The following SPIRE2 variants were observed in gnomAD, a reference collection of about 807,000 sequenced individuals.
SPIRE2 encodes protein spire homolog 2.
Under a neutral mutation model 80.7 loss-of-function variants are expected in SPIRE2, and 76 were observed. The observed-to-expected ratio is 0.94, with a 90% CI of 0.78 to 1.14. The LOEUF (loss-of-function observed/expected upper bound fraction) is 1.14. Ranked by LOEUF, SPIRE2 falls within the 50% of genes most tolerant of loss-of-function variation. The pLI is 0.00. For synonymous variants in SPIRE2, 535 were observed against 432.6 expected, an observed-to-expected ratio of 1.24 and a Z score of -2.94; for missense variants, 1,196 against 1,015.3, an observed-to-expected ratio of 1.18 and a Z score of -2.42.
Position 89,858,470 on chromosome 16 carries a change from C to T in SPIRE2, c.1235C>T (p.Pro412Leu). The T allele has an allele frequency of 6.2e-7, 1 of 1,606,154 alleles. No homozygotes were observed. Among genetic ancestry groups the T allele is most frequent in the Non-Finnish European group, 8.5e-7 (1 of 1,177,338 alleles). The change falls in exon 8 of 15, where the codon CCT (proline) becomes CTT (leucine). Residue 412 changes from proline (P) to leucine (L), a missense_variant. Coordinates refer to ENST00000378247, the MANE Select transcript of SPIRE2 (RefSeq NM_032451.2). Reference protein sequence around the residue: ...RPRPRVLLKAPTLAEMEEMNT... With the variant: ...RPRPRVLLKALTLAEMEEMNT... ...CGGCCCCGCGTGCTGCTCAAGGCGC[C>T]TACCTTGGCTGAAATGGAAGAGATG...
At chr16:89,849,994 C>G (rs777391856) in intron 2 of SPIRE2, 2 of 442,178 alleles carry the variant, frequency 4.5e-6, no homozygotes, top group Admixed American at 6.3e-5. Flanking sequence ...TGCACCACCA[C>G]GCCCAGCTAA....
intron 1 of SPIRE2, among the ~76,000 whole-genome samples, chr16:89,838,549 G>T (rs1003827914): frequency 4.6e-5 from 7 of 152,126 alleles, no homozygotes; most frequent in African/African-American, 1.7e-4. Context: ...GCTCAGGGAA[G>T]CACGGTGAGC....
At chr16:89,849,556 G>A (rs1380823885) in intron 2 of SPIRE2, among the ~76,000 whole-genome samples, 1 of 152,236 alleles carries the variant, frequency 6.6e-6, no homozygotes, top group Non-Finnish European at 1.5e-5. Context: ...GAGTGTCCGT[G>A]TAATTGTCCA....
intron 1 of SPIRE2, among the ~76,000 whole-genome samples, chr16:89,837,300 G>A (rs1483801124): frequency 6.6e-6 from 1 of 152,202 alleles, no homozygotes; most frequent in Admixed American, 6.5e-5. Context: ...ATGGTGGTGA[G>A]GGGGAAGAGT....
At chr16:89,861,713 C>T (rs531018722) in intron 10 of SPIRE2, among the ~76,000 whole-genome samples, 16 of 152,182 alleles carry the variant, frequency 1.1e-4, no homozygotes, top group East Asian at 1.9e-4. Flanking sequence ...GGCCTGATCT[C>T]GACTGAAGGG....
chr16:89,841,875 T>A (rs2041509129), intron 1 of SPIRE2, among the ~76,000 whole-genome samples: 1 of 151,998 alleles, frequency 6.6e-6, no homozygotes. Context: ...ATTACAGGCA[T>A]GCGCCACCAT....
chr16:89,863,889 A>G lies in SPIRE2; in HGVS notation c.1778+28A>G. On this transcript the variant is annotated intron_variant, in intron 12 of 14. Coordinates refer to ENST00000378247, the MANE Select transcript of SPIRE2 (RefSeq NM_032451.2). The surrounding 1 kb of genome is among the most constrained non-coding windows in gnomAD (Gnocchi z 4.3). The stretch of plus-strand genomic sequence containing the variant: ...GAGCCTTCCCTTTAGCTGTCAGTTC[A>G]CAAGGGAAGGAGGAGGCGAGAAACC... 6.3e-7 allele frequency: 1 copy of G among 1,592,250 alleles called. No individual in the cohort carries two copies. Among genetic ancestry groups the G allele is most frequent in the Non-Finnish European group, 8.6e-7 (1 of 1,163,682 alleles).
chr16:89,867,507 C>T (rs945593688), intron 12 of SPIRE2, among the ~76,000 whole-genome samples: 1 of 151,790 alleles, frequency 6.6e-6, no homozygotes, highest in African/African-American at 2.4e-5. Context: ...AAGTATGTGA[C>T]CCATCATGGC....
At chr16:89,845,419 A>C (rs1598222605) in intron 2 of SPIRE2, 54 bp downstream of exon 2, 1 of 1,434,886 alleles carries the variant, frequency 7.0e-7, no homozygotes, top group Non-Finnish European at 9.8e-7. Flanking sequence ...ACGTACCTGC[A>C]TCTTAAAATG....
At chr16:89,845,179 G>A in intron 1 of SPIRE2, 143 bp from the exon 2 acceptor site, 1 of 751,408 alleles carries the variant, frequency 1.3e-6, no homozygotes, top group East Asian at 2.6e-5. Flanking sequence ...TGACCAAGTG[G>A]CTGGGCCTGC....
chr16:89,860,463 G>A lies in SPIRE2; in HGVS notation c.1463-220G>A, dbSNP rs1159121841. On this transcript the variant is annotated intron_variant, in intron 9 of 14. Coordinates refer to ENST00000378247, the MANE Select transcript of SPIRE2 (RefSeq NM_032451.2). Reference sequence around the variant, plus strand: ...TCTATAGAGCTGAGGGTCTCGCTACGTTGCCCAGGGTGGTCTCAAGCTCCT... The same window carrying A: ...TCTATAGAGCTGAGGGTCTCGCTACATTGCCCAGGGTGGTCTCAAGCTCCT... Among the ~76,000 whole-genome samples the A allele has an allele frequency of 9.9e-5, 15 of 152,040 alleles. No homozygotes were observed. In the East Asian group the frequency reaches 2.5e-3, roughly 26 times the overall value.
At chr16:89,845,145 G>A (rs758846542) in intron 1 of SPIRE2, among the ~76,000 whole-genome samples, 177 bp from the exon 2 acceptor site, 9 of 152,152 alleles carry the variant, frequency 5.9e-5, no homozygotes, top group Non-Finnish European at 7.3e-5. Context: ...AGCTCGAGCC[G>A]GGCCTCATGG....
At chr16:89,853,398 G>C (rs900314090) in intron 3 of SPIRE2, among the ~76,000 whole-genome samples, 3 of 152,190 alleles carry the variant, frequency 2.0e-5, no homozygotes, top group African/African-American at 7.2e-5. Context: ...TGAGAGAAGG[G>C]TCTCTCCATG....
At chr16:89,840,474 C>T (rs927856687) in intron 1 of SPIRE2, among the ~76,000 whole-genome samples, 3 of 150,876 alleles carry the variant, frequency 2.0e-5, no homozygotes, top group Non-Finnish European at 1.5e-5. Context: ...TGGTTTCGAT[C>T]TCCTGACCTT....
At chr16:89,847,592 A>G (rs927258604) in intron 2 of SPIRE2, among the ~76,000 whole-genome samples, 7 of 152,184 alleles carry the variant, frequency 4.6e-5, no homozygotes, top group Non-Finnish European at 1.0e-4. Flanking sequence ...GTCCCCAGGA[A>G]AGACGGCAAA....
At chr16:89,861,094 CTG>C (rs2041740480) in intron 10 of SPIRE2, among the ~76,000 whole-genome samples, 1 of 152,134 alleles carries the variant, frequency 6.6e-6, no homozygotes, top group Non-Finnish European at 1.5e-5. Flanking sequence ...CCTGCGTGCC[CTG>C]TGCCTGGAGG....
At chr16:89,868,308 C>T in intron 13 of SPIRE2, 92 bp downstream of exon 13, 3 of 1,260,726 alleles carry the variant, frequency 2.4e-6, no homozygotes, top group Middle Eastern at 3.7e-4. Context: ...GCTGCCTCAC[C>T]AGGCACCTCA....
intron 2 of SPIRE2, 39 bp from the exon 3 acceptor site, chr16:89,850,265 C>G (rs770100709): frequency 1.3e-6 from 2 of 1,575,032 alleles, no homozygotes; most frequent in Admixed American, 3.4e-5. Context: ...GCCCCACCCC[C>G]CTGCAGTACC....
At position 89,869,625 on chromosome 16, in the gene SPIRE2, G is replaced by A; in HGVS notation, c.1865G>A (p.Ser622Asn). 6.2e-7 allele frequency: 1 copy of A among 1,614,216 alleles called. No homozygotes were observed. Among genetic ancestry groups the A allele is most frequent in the Non-Finnish European group, 8.5e-7 (1 of 1,180,038 alleles). ...HIPVYTLGFESPQRVSAAKTA... is the reference protein window; with the variant it reads ...HIPVYTLGFENPQRVSAAKTA... ...CCTGTCTACACACTGGGCTTTGAGA[G>A]TCCTCAGAGGGTATCAGCTGCCAAA... is the stretch of plus-strand genomic sequence containing the variant. The change falls in exon 14 of 15, where the codon AGT (serine) becomes AAT (asparagine). Residue 622 changes from serine (S) to asparagine (N), a missense_variant. Coordinates refer to ENST00000378247, the MANE Select transcript of SPIRE2 (RefSeq NM_032451.2).
Sources: allele counts gnomAD v4.1 joint callset (sites outside exome capture counted in the v4.1 genomes callset), GRCh38; gene constraint gnomAD v4.1.1; non-coding constraint Gnocchi (gnomAD v3.1); transcripts MANE v1.5; gene names NCBI Gene and HGNC (gene_info 2026-07-23, HGNC 2026-07-21).